The following BIN2 variants were observed in gnomAD, a reference collection of about 807,000 sequenced individuals.
BIN2 encodes bridging integrator 2, also known as breast cancer associated protein BRAP1.
Under a neutral mutation model 67.9 loss-of-function variants are expected in BIN2, and 43 were observed. The ratio of observed to expected loss-of-function variants is 0.63; its 90% CI spans 0.50 to 0.82. The LOEUF (loss-of-function observed/expected upper bound fraction) is 0.82. Among genes scored for constraint, BIN2 ranks in the 40% least tolerant of loss-of-function variants. The pLI is 0.00. For synonymous variants in BIN2, 244 were observed against 246.8 expected (o/e 0.99, Z 0.11); for missense variants, 581 against 671.6 (o/e 0.87, Z 1.49).
At chr12:51,322,394 TTATG>T (rs1036001098) in intron 1 of BIN2, among the ~76,000 whole-genome samples, 9 of 152,090 alleles carry the variant, frequency 5.9e-5, no homozygotes, top group African/African-American at 2.2e-4. Context: ...TCTTTTATTT[TTATG>T]TATTTATTTT....
At chr12:51,302,490 C>T (rs1215116146) in intron 4 of BIN2, 196 bp downstream of exon 4, 2 of 578,092 alleles carry the variant, frequency 3.5e-6, no homozygotes, top group African/African-American at 3.7e-5. Flanking sequence ...TTAGAGGGAT[C>T]CACAGATTAG....
chr12:51,295,623 T>A (rs200561070), intron 9 of BIN2, among the ~76,000 whole-genome samples, 173 bp downstream of exon 9: 10,979 of 92,666 alleles, frequency 0.12, 2,550 homozygotes, highest in East Asian at 0.51. Flanking sequence ...TATATATATA[T>A]ATATATATTT....
intron 11 of BIN2, among the ~76,000 whole-genome samples, chr12:51,286,072 C>A (rs918759613): frequency 1.3e-5 from 2 of 152,186 alleles, no homozygotes; most frequent in African/African-American, 4.8e-5. Flanking sequence ...AACCTTCCAT[C>A]TCTCTGAGAT....
chr12:51,320,080 G>A (rs1383594516), intron 1 of BIN2, among the ~76,000 whole-genome samples: 1 of 152,068 alleles, frequency 6.6e-6, no homozygotes, highest in African/African-American at 2.4e-5. Context: ...CCACCTCCCA[G>A]ATTCAAGCGA....
chr12:51,303,784 G>A (rs1421383697), intron 2 of BIN2, among the ~76,000 whole-genome samples: 1 of 152,190 alleles, frequency 6.6e-6, no homozygotes, highest in Non-Finnish European at 1.5e-5. Flanking sequence ...AAAAGGAGAG[G>A]AAGGTATTAT....
chr12:51,289,530 A>G (rs1054509196), intron 10 of BIN2, among the ~76,000 whole-genome samples: 2 of 152,030 alleles, frequency 1.3e-5, no homozygotes, highest in Admixed American at 6.6e-5. Context: ...AGGGAAGATC[A>G]CTGGGGCCCA....
rs1182627967 is a variant in BIN2, at chr12:51,295,506, T to C, written c.761+290A>G. ...TGAACCCGGGAGGCGGAGCTTGCAG[T>C]GAGCCTAGATCGCGCCACTGCGCTC... On this transcript the variant is annotated intron_variant, in intron 9 of 12. Coordinates refer to ENST00000615107, the MANE Select transcript of BIN2 (RefSeq NM_016293.4). Among the ~76,000 whole-genome samples, 220 of 141,440 alleles carry C rather than the reference T, an allele frequency of 1.6e-3. 1 individual carries two copies. Among genetic ancestry groups the C allele is most frequent in the African/African-American group, 5.6e-3 (213 of 38,134 alleles). The allele number at this position is 141,440 out of a possible 152,430, so 92.8% of individuals were successfully genotyped here.
chr12:51,304,733 C>T (rs1041122479), intron 2 of BIN2, among the ~76,000 whole-genome samples: 56 of 152,176 alleles, frequency 3.7e-4, no homozygotes, highest in African/African-American at 1.1e-3. Context: ...GTGTAAAAAA[C>T]TGGCCAGGCG....
At chr12:51,312,131 G>A (rs1341932621) in intron 2 of BIN2, among the ~76,000 whole-genome samples, 1 of 151,790 alleles carries the variant, frequency 6.6e-6, no homozygotes, top group East Asian at 1.9e-4. Flanking sequence ...AGTCACTAGT[G>A]TTAAAAAAAA....
intron 9 of BIN2, 137 bp downstream of exon 9, chr12:51,295,659 G>A (rs1945547181): frequency 1.2e-5 from 4 of 339,246 alleles, no homozygotes; most frequent in African/African-American, 4.6e-5. Context: ...AATTTATATA[G>A]GAGCATAGTA....
chr12:51,291,983 T>C lies in BIN2; in HGVS notation c.1123A>G (p.Ser375Gly). The part of the protein sequence containing the change: ...STTPSPGGAL[S>G]PSGQPSSSAT... The stretch of plus-strand genomic sequence containing the variant: ...GATGATGAAGGCTGCCCTGAAGGGC[T>C]CAGGGCTCCGCCTGGTGATGGAGTT... Residue 375 changes from serine (S) to glycine (G), a missense_variant, in exon 10 of 13, where the codon AGC becomes GGC. Ser to Gly is a moderately conservative substitution (Grantham distance 56). Transcript: ENST00000615107. 1.2e-6 allele frequency: 2 copies of C among 1,614,210 alleles called. No individual in the cohort carries two copies.
chr12:51,324,588 A>G (rs563995558), upstream of BIN2: 117 of 1,467,592 alleles, frequency 8.0e-5, no homozygotes, highest in African/African-American at 1.4e-3. Flanking sequence ...TGCTCCAGGT[A>G]GGCTCTAAGC....
intron 8 of BIN2, among the ~76,000 whole-genome samples, chr12:51,296,797 T>A (rs968173879): frequency 3.9e-5 from 6 of 152,130 alleles, no homozygotes; most frequent in Non-Finnish European, 7.4e-5. Flanking sequence ...CACAATGGGG[T>A]TCCCCATTTT....
At chr12:51,322,881 C>T (rs1018765635) in intron 1 of BIN2, 3 of 152,144 alleles carry the variant, frequency 2.0e-5, no homozygotes, top group African/African-American at 7.2e-5. Context: ...AAGTCAGGAG[C>T]TACATCTACA....
At chr12:51,299,843 CT>C in intron 5 of BIN2, 129 bp from the exon 6 acceptor site, 1 of 831,778 alleles carries the variant, frequency 1.2e-6, no homozygotes. Flanking sequence ...TTGTTTTTTG[CT>C]TTTGTTTTTT....
intron 9 of BIN2, among the ~76,000 whole-genome samples, chr12:51,295,573 AAAAAATATATATAT>A (rs1418252338): frequency 2.5e-5 from 1 of 39,702 alleles, no homozygotes; most frequent in African/African-American, 1.9e-4. Flanking sequence ...AAAAAAAAAA[AAAAAATATATATAT>A]ATATATATAT....
chr12:51,301,794 G>A lies in BIN2; in HGVS notation c.408+226C>T, dbSNP rs983853436. On this transcript the variant is annotated intron_variant, in intron 5 of 12. Transcript: ENST00000615107. ...CAAAGTACTGGGATTACAGGTGTGA[G>A]CCACTGCACCCAGCCTTGAAATCTA... Among the ~76,000 whole-genome samples the A allele has an allele frequency of 4.6e-5, 7 of 152,214 alleles. No individual in the cohort carries two copies. In the East Asian group the frequency reaches 1.3e-3, roughly 29 times the overall value.
intron 5 of BIN2, among the ~76,000 whole-genome samples, chr12:51,300,406 G>A (rs552929816): frequency 6.6e-6 from 1 of 152,254 alleles, no homozygotes; most frequent in East Asian, 1.9e-4. Flanking sequence ...GAAAGTGAAA[G>A]TCTGGATTTT....
chr12:51,318,542 G>A (rs745463326), intron 1 of BIN2, among the ~76,000 whole-genome samples: 1 of 152,216 alleles, frequency 6.6e-6, no homozygotes, highest in Non-Finnish European at 1.5e-5. Flanking sequence ...TTATAGGCGT[G>A]AGCCACTGGG....
Sources: gnomAD v4.1 joint callset for allele counts (sites outside exome capture counted in the v4.1 genomes callset) on GRCh38, gnomAD v4.1.1 for gene constraint, MANE v1.5 for transcripts, NCBI Gene and HGNC (gene_info 2026-07-23, HGNC 2026-07-21) for gene names.